LUZP2: variants seen among roughly 807,000 people sequenced by gnomAD.
LUZP2 encodes the protein leucine zipper protein 2.
Under a neutral mutation model 51.6 loss-of-function variants are expected in LUZP2, and 52 were observed. The ratio of observed to expected loss-of-function variants is 1.01; its 90% CI spans 0.81 to 1.27. LUZP2 has a LOEUF of 1.27. Ranked by LOEUF, LUZP2 falls within the 50% of genes most tolerant of loss-of-function variation. The probability of loss-of-function intolerance (pLI) is 0.00; values close to 1 mark genes in which losing one functional copy is unlikely to be tolerated. For missense variants in LUZP2, 436 were observed against 395.4 expected, an observed-to-expected ratio of 1.10 and a Z score of -0.87; for synonymous variants, 154 against 137.3, an observed-to-expected ratio of 1.12 and a Z score of -0.85.
At chr11:25,015,571 A>G (rs1857124675) in intron 9 of LUZP2, among the ~76,000 whole-genome samples, 1 of 152,040 alleles carries the variant, frequency 6.6e-6, no homozygotes. Flanking sequence ...GTAGTGAGAT[A>G]TTTTATAGAG....
At chr11:24,918,763 T>C (rs966973830) in intron 7 of LUZP2, among the ~76,000 whole-genome samples, 1 of 149,832 alleles carries the variant, frequency 6.7e-6, no homozygotes, top group East Asian at 1.9e-4. Context: ...ACATATTTTA[T>C]ATTTCTGTCT....
At chr11:24,520,163 G>T (rs1030535393) in intron 1 of LUZP2, among the ~76,000 whole-genome samples, 1 of 152,110 alleles carries the variant, frequency 6.6e-6, no homozygotes, top group African/African-American at 2.4e-5. Context: ...ACCCTTAAAA[G>T]GGGAAATCAG....
At position 24,799,703 on chromosome 11, in the gene LUZP2, A is replaced by C. The variant is rs371691660; in HGVS notation, c.396+36395A>C. Among the ~76,000 whole-genome samples the C allele has an allele frequency of 1.1e-3, 164 of 152,322 alleles. 1 individual carries two copies. Among genetic ancestry groups the C allele is most frequent in the African/African-American group, 3.8e-3 (159 of 41,584 alleles). Reference sequence around the variant, plus strand: ...TAAACTCACCTAGCATCTTGAGCCTAAGTTTCCTCATCCAAAAAAGGTGAT... The same window carrying C: ...TAAACTCACCTAGCATCTTGAGCCTCAGTTTCCTCATCCAAAAAAGGTGAT... On this transcript the variant is annotated intron_variant, in intron 5 of 11. Coordinates refer to ENST00000336930, the MANE Select transcript of LUZP2 (RefSeq NM_001009909.4).
At chr11:24,581,791 C>A (rs1249645104) in intron 1 of LUZP2, among the ~76,000 whole-genome samples, 1 of 151,746 alleles carries the variant, frequency 6.6e-6, no homozygotes, top group Non-Finnish European at 1.5e-5. Flanking sequence ...ATGCTTAATG[C>A]ACATTTCTTA....
chr11:24,597,869 A>C (rs1853493965), intron 1 of LUZP2, among the ~76,000 whole-genome samples: 1 of 152,240 alleles, frequency 6.6e-6, no homozygotes, highest in Admixed American at 6.5e-5. Context: ...TTGGAGGCCA[A>C]GGCGGGTGGA....
intron 7 of LUZP2, among the ~76,000 whole-genome samples, chr11:24,963,301 G>A (rs553427291): frequency 1.8e-4 from 27 of 152,300 alleles, no homozygotes; most frequent in African/African-American, 6.5e-4. Context: ...AAAGCTGTCA[G>A]ACAGGGACAT....
rs147497656 is a variant in LUZP2, at chr11:24,915,999, T to C, written c.522+1461T>C. Among the ~76,000 whole-genome samples, 170 of 152,112 alleles carry C rather than the reference T, an allele frequency of 1.1e-3. 6 individuals are homozygous for C. The East Asian group carries it at 0.03, about 26-fold the overall frequency. ...AGATTTTATTTTATTTTATTTTTTA[T>C]TTATTTATTTTTTTTAGTAAATGTA... On this transcript the variant is annotated intron_variant, in intron 7 of 11. Transcript: ENST00000336930.
intron 5 of LUZP2, among the ~76,000 whole-genome samples, chr11:24,880,600 A>G (rs1254034836): frequency 3.3e-5 from 5 of 152,092 alleles, no homozygotes; most frequent in African/African-American, 9.7e-5. Context: ...ACATTTTGAG[A>G]TTCACTGGCT....
chr11:24,534,333 G>A lies in LUZP2; in HGVS notation c.62+37028G>A, dbSNP rs138479350. Among the ~76,000 whole-genome samples, 3 of 150,902 alleles carry A rather than the reference G, an allele frequency of 2.0e-5. No individual in the cohort carries two copies. In the South Asian group the frequency reaches 6.2e-4, roughly 31 times the overall value. ...ATAAATACATGTATATTTCCATATA[G>A]AGAGAGAGCAACAAGCTCTTTCTAT... On this transcript the variant is annotated intron_variant, in intron 1 of 11. Coordinates refer to ENST00000336930, the MANE Select transcript of LUZP2 (RefSeq NM_001009909.4).
chr11:24,674,628 C>G (rs549104795), intron 1 of LUZP2, among the ~76,000 whole-genome samples: 83 of 152,232 alleles, frequency 5.5e-4, no homozygotes, highest in African/African-American at 2.0e-3. Context: ...AGGTCACATG[C>G]TTATATGCAA....
intron 4 of LUZP2, among the ~76,000 whole-genome samples, chr11:24,741,884 T>A: frequency 7.6e-6 from 1 of 131,326 alleles, no homozygotes; most frequent in Non-Finnish European, 1.5e-5. Context: ...TATAAATATA[T>A]ATTTATATAC....
intron 7 of LUZP2, among the ~76,000 whole-genome samples, chr11:24,947,853 G>C (rs1388757527): frequency 6.6e-6 from 1 of 151,856 alleles, no homozygotes; most frequent in Non-Finnish European, 1.5e-5. Flanking sequence ...TCTTGTCCAT[G>C]CTAAGTTGTT....
chr11:24,944,954 C>T (rs1254191644), intron 7 of LUZP2, among the ~76,000 whole-genome samples: 1 of 152,110 alleles, frequency 6.6e-6, no homozygotes, highest in Non-Finnish European at 1.5e-5. Flanking sequence ...ATTATATGCT[C>T]ATACGTACAT....
intron 1 of LUZP2, among the ~76,000 whole-genome samples, chr11:24,587,435 A>G (rs1175129628): frequency 6.6e-5 from 10 of 152,134 alleles, no homozygotes. Flanking sequence ...AAGAAGCCTG[A>G]GCGAGCATAA....
intron 9 of LUZP2, among the ~76,000 whole-genome samples, chr11:25,033,957 G>C (rs988882918): frequency 2.6e-5 from 4 of 152,116 alleles, no homozygotes; most frequent in Non-Finnish European, 4.4e-5. Flanking sequence ...TAATGGGATT[G>C]CTGGGTCAAA....
chr11:24,566,566 ATATCTATACACATATATATGTATGTGTG>A (rs1220529535), intron 1 of LUZP2, among the ~76,000 whole-genome samples: 19 of 142,638 alleles, frequency 1.3e-4, no homozygotes, highest in Middle Eastern at 3.6e-3. Context: ...ATGTGTATAT[ATATCTATACACATATATATGTATGTGTG>A]TATATATATA....
At chr11:24,945,923 T>A (rs897262932) in intron 7 of LUZP2, among the ~76,000 whole-genome samples, 9 of 152,108 alleles carry the variant, frequency 5.9e-5, no homozygotes, top group Non-Finnish European at 1.0e-4. Context: ...TTTAGAAAAT[T>A]GTCTTCATCA....
At chr11:24,895,239 G>A (rs950883983) in intron 5 of LUZP2, among the ~76,000 whole-genome samples, 11 of 152,070 alleles carry the variant, frequency 7.2e-5, no homozygotes, top group Admixed American at 5.2e-4. Context: ...TAGAAAATTC[G>A]CTCTTGGAAG....
chr11:24,551,435 G>A (rs1851721338), intron 1 of LUZP2, among the ~76,000 whole-genome samples: 1 of 152,022 alleles, frequency 6.6e-6, no homozygotes, highest in Non-Finnish European at 1.5e-5. Flanking sequence ...AGGGGCTTGA[G>A]TGGGGGAAGG....
Sources: allele counts gnomAD v4.1 joint callset (sites outside exome capture counted in the v4.1 genomes callset), GRCh38; gene constraint gnomAD v4.1.1; transcripts MANE v1.5; gene names NCBI Gene and HGNC (gene_info 2026-07-23, HGNC 2026-07-21).